PBX1: variants seen among roughly 807,000 people sequenced by gnomAD.
PBX1 encodes pre-B-cell leukemia transcription factor 1.
Under a neutral mutation model 53.4 loss-of-function variants are expected in PBX1, and 6 were observed. That is an observed-to-expected ratio of 0.11 (90% CI 0.06 to 0.22). The LOEUF is 0.22. Among genes scored for constraint, PBX1 ranks in the 10% least tolerant of loss-of-function variants. The pLI is 1.00. For synonymous variants in PBX1, 204 were observed against 212.3 expected (o/e 0.96, Z 0.34); for missense variants, 251 against 551.4 (o/e 0.46, Z 5.46).
intron 8 of PBX1, among the ~76,000 whole-genome samples, chr1:164,827,849 G>A (rs987907116): frequency 6.6e-6 from 1 of 152,104 alleles, no homozygotes; most frequent in African/African-American, 2.4e-5. Flanking sequence ...ATAAACATAA[G>A]CATTTTTTAC....
intron 2 of PBX1, among the ~76,000 whole-genome samples, chr1:164,594,569 C>T (rs958236714): frequency 3.3e-5 from 5 of 152,270 alleles, no homozygotes; most frequent in Admixed American, 1.3e-4. Context: ...GCATGAGCCA[C>T]TGTGCCCGGC....
chr1:164,688,321 A>T (rs1282768308), intron 2 of PBX1, among the ~76,000 whole-genome samples: 1 of 152,190 alleles, frequency 6.6e-6, no homozygotes, highest in East Asian at 1.9e-4. Context: ...AAGTAGAGAG[A>T]GTTTCTGATG....
intron 2 of PBX1, among the ~76,000 whole-genome samples, chr1:164,579,550 G>T (rs868803742): frequency 6.6e-6 from 1 of 152,230 alleles, no homozygotes; most frequent in Non-Finnish European, 1.5e-5. Context: ...GTTCAGCCCA[G>T]TTACTGGGGC....
chr1:164,688,902 T>C (rs1471630544), intron 2 of PBX1, among the ~76,000 whole-genome samples: 3 of 152,238 alleles, frequency 2.0e-5, no homozygotes, highest in Non-Finnish European at 4.4e-5. Flanking sequence ...TGTCACTATT[T>C]GACTAAGGAA....
At chr1:164,881,577 G>C (rs1429580796) in intron 2 of PBX1, among the ~76,000 whole-genome samples, 2 of 41,858 alleles carry the variant, frequency 4.8e-5, no homozygotes, top group Non-Finnish European at 4.3e-5. Context: ...GAGAGAGAGA[G>C]AGGAAGGAAG....
At chr1:164,716,685 T>TGCACAC (rs1553234812) in intron 2 of PBX1, among the ~76,000 whole-genome samples, 1 of 115,828 alleles carries the variant, frequency 8.6e-6, no homozygotes, top group Non-Finnish European at 1.7e-5. Flanking sequence ...ATGTCATCTC[T>TGCACAC]ACACACACAC....
downstream of PBX1, among the ~76,000 whole-genome samples, chr1:164,853,862 A>G (rs966870260): frequency 6.6e-6 from 1 of 152,022 alleles, no homozygotes; most frequent in African/African-American, 2.4e-5. Context: ...CTCCCAAACC[A>G]TAGATTTGTA....
chr1:164,741,768 G>GTGTGTGTC (rs1665624096), intron 2 of PBX1, among the ~76,000 whole-genome samples: 1 of 151,774 alleles, frequency 6.6e-6, no homozygotes, highest in African/African-American at 2.4e-5. Context: ...GTGTGTGTGT[G>GTGTGTGTC]TGTGTGTTGC....
chr1:164,831,709 C>G (rs1670774306), intron 8 of PBX1, among the ~76,000 whole-genome samples: 2 of 152,092 alleles, frequency 1.3e-5, no homozygotes, highest in South Asian at 2.1e-4. Context: ...ATTTCCTACC[C>G]TTTGTTTTCT....
In PBX1 at chr1:164,799,957, G is replaced by C; in HGVS notation, c.701+68G>C. ...TGATCTGGGGCTGGAGTCCACAGCCGCTGCCCCCTTCAGGCTCTAGTTTCA... is the reference window on the plus strand; with the variant it reads ...TGATCTGGGGCTGGAGTCCACAGCCCCTGCCCCCTTCAGGCTCTAGTTTCA... On this transcript the variant is annotated intron_variant, in intron 4 of 8. Coordinates refer to ENST00000420696, the MANE Select transcript of PBX1 (RefSeq NM_002585.4). 4.3e-6 allele frequency: 6 copies of C among 1,407,470 alleles called. No individual in the cohort carries two copies. In the South Asian group the frequency reaches 7.9e-5, roughly 18 times the overall value. 87.2% of individuals were successfully genotyped at this position (1,407,470 alleles called of 1,614,324 possible).
rs111298873 is a variant in PBX1 at position 164,744,738 on chromosome 1, C to G, written c.266-47756C>G. On this transcript the variant is annotated intron_variant, in intron 2 of 8. Coordinates refer to ENST00000420696, the MANE Select transcript of PBX1 (RefSeq NM_002585.4). ...AAAGACTGCAGACGTGGCCTCTGCT[C>G]TTAGAGAGTTGTTGATCAGGAGGTA... 5.1e-3 allele frequency among the ~76,000 whole-genome samples: 781 copies of G among 152,234 alleles called. 10 individuals are homozygous for G. The highest frequency in any genetic ancestry group is 0.018 in the African/African-American group (733 of 41,546).
chr1:164,573,248 G>A (rs1262083455), intron 2 of PBX1, among the ~76,000 whole-genome samples: 2 of 151,270 alleles, frequency 1.3e-5, no homozygotes, highest in Admixed American at 1.3e-4. Context: ...TTGTGCTAAG[G>A]CCTTGAAATG....
At chr1:164,670,966 G>A (rs961819815) in intron 2 of PBX1, among the ~76,000 whole-genome samples, 28 of 152,116 alleles carry the variant, frequency 1.8e-4, no homozygotes, top group African/African-American at 6.8e-4. Context: ...ATAACATCAA[G>A]TCTTCTTCCC....
At chr1:164,871,497 G>A (rs544025864) in intron 2 of PBX1, among the ~76,000 whole-genome samples, 38 of 152,208 alleles carry the variant, frequency 2.5e-4, no homozygotes, top group Non-Finnish European at 5.0e-4. Flanking sequence ...TTCCTGAACC[G>A]ATCAAAATCA....
intron 2 of PBX1, among the ~76,000 whole-genome samples, chr1:164,575,315 G>A (rs372722155): frequency 6.6e-6 from 1 of 152,204 alleles, no homozygotes; most frequent in Non-Finnish European, 1.5e-5. Flanking sequence ...TCAGTGGGGC[G>A]TTTGCAAACT....
chr1:164,764,991 G>A (rs1204961332), intron 2 of PBX1, among the ~76,000 whole-genome samples: 1 of 152,090 alleles, frequency 6.6e-6, no homozygotes, highest in Non-Finnish European at 1.5e-5. Flanking sequence ...CTTTGGGAAG[G>A]AATTTTCTAG....
chr1:164,832,062 G>A (rs901658596), intron 8 of PBX1, among the ~76,000 whole-genome samples: 1 of 152,156 alleles, frequency 6.6e-6, no homozygotes, highest in Non-Finnish European at 1.5e-5. Context: ...TCAGAAAGTT[G>A]AATTATAGTG....
At chr1:164,656,465 A>G (rs190269034) in intron 2 of PBX1, among the ~76,000 whole-genome samples, 2 of 152,332 alleles carry the variant, frequency 1.3e-5, no homozygotes, top group African/African-American at 4.8e-5. Flanking sequence ...AAAAGAATTC[A>G]TCTCATTTGA....
rs569556804 is a variant in PBX1 at position 164,843,600 on chromosome 1, TTTAGCTAGAAGG to T, written c.1201-2981_1201-2970del. Among the ~76,000 whole-genome samples the T allele has an allele frequency of 5.9e-3, 902 of 152,236 alleles. 5 individuals carry two copies. The highest frequency in any genetic ancestry group is 9.5e-3 in the Non-Finnish European group (643 of 68,010). On this transcript the variant is annotated intron_variant, in intron 8 of 8. Transcript: ENST00000420696. ...AAGAGGTTTTGTTTAATGTATTTCT[TTTAGCTAGAAGG>T]TTTTATATATTCTTCACTAGGCCAA... is the stretch of plus-strand genomic sequence containing the variant.
Sources: gnomAD v4.1 joint callset for allele counts (sites outside exome capture counted in the v4.1 genomes callset) on GRCh38, gnomAD v4.1.1 for gene constraint, MANE v1.5 for transcripts, NCBI Gene and HGNC (gene_info 2026-07-23, HGNC 2026-07-21) for gene names.